The following COA1 variants were observed in gnomAD, a reference collection of about 807,000 sequenced individuals.
The protein encoded by COA1 is cytochrome c oxidase assembly factor 1 homolog.
A neutral mutation model predicts 16.0 loss-of-function variants in COA1; 13 were observed. That is an observed-to-expected ratio of 0.81 (90% CI 0.53 to 1.29). The LOEUF is 1.29. Ranked by LOEUF, COA1 falls within the 50% of genes most tolerant of loss-of-function variation. The probability of loss-of-function intolerance (pLI) is 0.00; values close to 1 mark genes in which losing one functional copy is unlikely to be tolerated. For synonymous variants in COA1, 65 were observed against 65.7 expected (o/e 0.99, Z 0.05); for missense variants, 179 against 177.0 (o/e 1.01, Z -0.06).
chr7:43,686,061 G>A (rs868425468), intron 1 of COA1, among the ~76,000 whole-genome samples: 2 of 152,194 alleles, frequency 1.3e-5, no homozygotes, highest in African/African-American at 4.8e-5. Flanking sequence ...AACACAACTG[G>A]CTAAATATTA....
intron 1 of COA1, among the ~76,000 whole-genome samples, chr7:43,719,021 G>A (rs941730396): frequency 6.6e-6 from 1 of 150,674 alleles, no homozygotes; most frequent in African/African-American, 2.4e-5. Context: ...ACCCAGGCTG[G>A]AGTGCAGTGG....
intron 4 of COA1, among the ~76,000 whole-genome samples, chr7:43,644,762 G>A (rs10243994): frequency 0.068 from 5,355 of 78,490 alleles, 162 homozygotes; most frequent in African/African-American, 0.091. Flanking sequence ...AGATAGATAG[G>A]CAGGCAGGCA....
chr7:43,653,081 G>C (rs530928903), intron 1 of COA1, among the ~76,000 whole-genome samples: 49 of 152,296 alleles, frequency 3.2e-4, no homozygotes, highest in African/African-American at 1.1e-3. Flanking sequence ...GGGAGGCCGA[G>C]GCGGGTGGAT....
chr7:43,632,902 A>T (rs1032684629), intron 6 of COA1: 3 of 152,176 alleles, frequency 2.0e-5, no homozygotes, highest in Non-Finnish European at 4.4e-5. Context: ...CAGTGGGCTT[A>T]CTCAGTAGAC....
At chr7:43,638,894 A>T (rs927098953), downstream of COA1, 12 of 152,252 alleles carry the variant, frequency 7.9e-5, no homozygotes, top group Admixed American at 6.5e-4. Context: ...GTTAGCTTCA[A>T]ACTAACTTTC....
chr7:43,726,198 TTGAAGCAGATCA>T (rs2132334870), intron 1 of COA1, among the ~76,000 whole-genome samples: 1 of 152,214 alleles, frequency 6.6e-6, no homozygotes, highest in African/African-American at 2.4e-5. Flanking sequence ...ATGAACAAAG[TTGAAGCAGATCA>T]TGGCACATTT....
intron 1 of COA1, among the ~76,000 whole-genome samples, chr7:43,687,143 T>G (rs2094073646): frequency 1.3e-5 from 2 of 152,228 alleles, no homozygotes. Context: ...TTCCCCAGGA[T>G]GCATTAAATC....
chr7:43,726,141 A>C (rs2095612176), intron 1 of COA1, among the ~76,000 whole-genome samples: 2 of 152,302 alleles, frequency 1.3e-5, no homozygotes, highest in Admixed American at 1.3e-4. Flanking sequence ...CATGAACAAG[A>C]GGATAAAAGA....
intron 1 of COA1, among the ~76,000 whole-genome samples, chr7:43,722,802 T>C (rs1364743661): frequency 6.6e-6 from 1 of 151,394 alleles, no homozygotes; most frequent in East Asian, 1.9e-4. Context: ...TGGTATTTGC[T>C]AGATCACTTA....
At chr7:43,671,144 C>T (rs533632370) in intron 1 of COA1, among the ~76,000 whole-genome samples, 1 of 152,202 alleles carries the variant, frequency 6.6e-6, no homozygotes, top group Non-Finnish European at 1.5e-5. Context: ...GAAAATGAAT[C>T]ACAGACCTAC....
intron 1 of COA1, among the ~76,000 whole-genome samples, chr7:43,662,666 A>C (rs1170692610): frequency 6.6e-6 from 1 of 152,266 alleles, no homozygotes; most frequent in Non-Finnish European, 1.5e-5. Flanking sequence ...CTAAATCTTA[A>C]AATTTTCATA....
chr7:43,650,814 A>G (rs950124854), intron 1 of COA1: 1 of 137,458 alleles, frequency 7.3e-6, no homozygotes, highest in African/African-American at 2.7e-5. Context: ...CTCCCCCACC[A>G]CCAAAAAAAA....
At chr7:43,722,453 G>T (rs564300201) in intron 1 of COA1, among the ~76,000 whole-genome samples, 81 of 152,088 alleles carry the variant, frequency 5.3e-4, no homozygotes, top group African/African-American at 1.6e-3. Context: ...AGGCTAGAGT[G>T]CAATGGCACA....
chr7:43,677,352 A>G (rs2093575101), intron 1 of COA1, among the ~76,000 whole-genome samples: 1 of 152,234 alleles, frequency 6.6e-6, no homozygotes. Context: ...AACACCGTTT[A>G]TTTAATATAT....
chr7:43,620,884 G>A (rs934804771), intron 6 of COA1, among the ~76,000 whole-genome samples: 1 of 152,150 alleles, frequency 6.6e-6, no homozygotes, highest in Non-Finnish European at 1.5e-5. Context: ...GGCCGTGGCA[G>A]GAATGGAGAA....
chr7:43,659,539 G>A lies in COA1; in HGVS notation c.-38-10887C>T, dbSNP rs548383166. Among the ~76,000 whole-genome samples the A allele has an allele frequency of 2.6e-5, 4 of 152,324 alleles. No individual in the cohort carries two copies. In the South Asian group the frequency reaches 8.3e-4, roughly 32 times the overall value. On this transcript the variant is annotated intron_variant, in intron 1 of 5. Coordinates refer to ENST00000223336, the MANE Select transcript of COA1 (RefSeq NM_018224.4). ...TCATAACCATTTTGCAAATGAATAT[G>A]AGTAGGGCAAACCCTATTAAACATT...
chr7:43,701,783 G>T (rs961683144), intron 1 of COA1, among the ~76,000 whole-genome samples: 4 of 152,112 alleles, frequency 2.6e-5, no homozygotes, highest in African/African-American at 9.7e-5. Flanking sequence ...CACTCTGACT[G>T]GTGTGAGATA....
chr7:43,610,112 C>T lies in COA1; in HGVS notation c.*134-617G>A, dbSNP rs1052298853. Among the ~76,000 whole-genome samples the T allele has an allele frequency of 6.6e-5, 10 of 152,130 alleles. No homozygotes were observed. In the East Asian group the frequency reaches 7.7e-4, roughly 12 times the overall value. On this transcript the variant is annotated intron_variant and NMD_transcript_variant, in intron 6 of 6. Transcript: ENST00000415076. ...CTGTAATCCCAGCACTTTGGGAGGC[C>T]GAGGTGGGCGGATCACAAGGTCAGG...
intron 1 of COA1, among the ~76,000 whole-genome samples, chr7:43,716,421 T>C (rs1238661492): frequency 6.6e-6 from 1 of 152,204 alleles, no homozygotes; most frequent in East Asian, 1.9e-4. Context: ...AGCAAGAGAC[T>C]GGCAGCATTT....
Sources: allele counts gnomAD v4.1 joint callset (sites outside exome capture counted in the v4.1 genomes callset), GRCh38; gene constraint gnomAD v4.1.1; transcripts MANE v1.5; gene names NCBI Gene and HGNC (gene_info 2026-07-23, HGNC 2026-07-21).